Variants in DCC observed in about 807,000 individuals in gnomAD.
The protein encoded by DCC is DCC netrin 1 receptor.
Under a neutral mutation model 172.5 loss-of-function variants are expected in DCC, and 58 were observed. That is an observed-to-expected ratio of 0.34 (90% CI 0.27 to 0.42). The LOEUF is 0.42. DCC is among the 10% of genes least tolerant of loss of function. DCC has a pLI of 1.00. For synonymous variants in DCC, 709 were observed against 644.5 expected (o/e 1.10, Z -1.52); for missense variants, 1,740 against 1,791.0 (o/e 0.97, Z 0.51).
chr18:53,351,365 T>C (rs1374006363), intron 15 of DCC, among the ~76,000 whole-genome samples: 8 of 74,096 alleles, frequency 1.1e-4, no homozygotes, highest in Admixed American at 5.3e-4. Flanking sequence ...TATATATATA[T>C]ACTGTATATA....
chr18:53,464,834 C>T (rs1401775775), intron 24 of DCC, among the ~76,000 whole-genome samples: 1 of 151,598 alleles, frequency 6.6e-6, no homozygotes, highest in Non-Finnish European at 1.5e-5. Context: ...ACAAAATTAG[C>T]CAGACGTGGT....
At chr18:53,273,533 A>G (rs1170427068) in intron 12 of DCC, among the ~76,000 whole-genome samples, 1 of 152,284 alleles carries the variant, frequency 6.6e-6, no homozygotes, top group East Asian at 1.9e-4. Context: ...TCCTTCGGTC[A>G]AGAAAATTAT....
At chr18:52,999,833 T>C (rs1207097792) in intron 5 of DCC, among the ~76,000 whole-genome samples, 2 of 152,082 alleles carry the variant, frequency 1.3e-5, no homozygotes, top group Non-Finnish European at 2.9e-5. Flanking sequence ...CTAGTGGTTC[T>C]GTGACCTTAG....
chr18:52,842,395 T>G (rs556721494), intron 2 of DCC, among the ~76,000 whole-genome samples: 1 of 152,288 alleles, frequency 6.6e-6, no homozygotes, highest in Non-Finnish European at 1.5e-5. Flanking sequence ...ATCAGGAACA[T>G]TGAGGTAGGA....
intron 1 of DCC, among the ~76,000 whole-genome samples, chr18:52,394,610 A>G (rs1033335676): frequency 6.6e-6 from 1 of 151,862 alleles, no homozygotes; most frequent in Admixed American, 6.6e-5. Context: ...GCTGCTTCCA[A>G]TGTTTTTAAA....
intron 1 of DCC, among the ~76,000 whole-genome samples, chr18:52,747,200 T>G (rs1324743241): frequency 6.6e-6 from 1 of 152,198 alleles, no homozygotes; most frequent in African/African-American, 2.4e-5. Flanking sequence ...TGTAAGTTTC[T>G]TAATGGATGA....
intron 5 of DCC, among the ~76,000 whole-genome samples, chr18:52,989,501 C>A (rs67211888): frequency 2.0e-5 from 3 of 152,066 alleles, no homozygotes; most frequent in East Asian, 1.9e-4. Context: ...ACAGCCTGGG[C>A]GACAAGAGGG....
chr18:52,665,574 C>T (rs1403028888), intron 1 of DCC, among the ~76,000 whole-genome samples: 10 of 152,112 alleles, frequency 6.6e-5, no homozygotes, highest in Non-Finnish European at 1.2e-4. Flanking sequence ...TTTAGATAAT[C>T]GGAGCCTGAT....
chr18:52,959,789 G>A (rs541776219), intron 5 of DCC, among the ~76,000 whole-genome samples: 1 of 152,104 alleles, frequency 6.6e-6, no homozygotes, highest in African/African-American at 2.4e-5. Context: ...CTATGCATCT[G>A]GTTTACAAAA....
rs921985208 is a variant in DCC, at chr18:52,743,988, A to C, written c.92-8066A>C. 1.9e-4 allele frequency among the ~76,000 whole-genome samples: 29 copies of C among 152,280 alleles called. No homozygotes were observed. The South Asian group carries it at 3.9e-3, about 21-fold the overall frequency. On this transcript the variant is annotated intron_variant, in intron 1 of 28. Coordinates refer to ENST00000442544, the MANE Select transcript of DCC (RefSeq NM_005215.4). ...TTTCCAAGAATTTACTCTTCTCTAG[A>C]TATGTGACAACTGAGGAGCACAGTA...
At chr18:52,397,016 G>A (rs970437747) in intron 1 of DCC, among the ~76,000 whole-genome samples, 7 of 151,962 alleles carry the variant, frequency 4.6e-5, no homozygotes, top group African/African-American at 1.4e-4. Flanking sequence ...TGTATAGAAA[G>A]GTATTTTCCT....
intron 15 of DCC, among the ~76,000 whole-genome samples, chr18:53,350,941 G>C (rs2057784513): frequency 6.6e-6 from 1 of 151,788 alleles, no homozygotes; most frequent in African/African-American, 2.4e-5. Context: ...TACTTGCTCA[G>C]AGAGAAGTGA....
At chr18:52,809,404 T>G in intron 2 of DCC, 1 of 157,284 alleles carries the variant, frequency 6.4e-6, no homozygotes, top group South Asian at 2.0e-4. Flanking sequence ...TTCCAAGGAA[T>G]GGAAACTTGG....
intron 28 of DCC, among the ~76,000 whole-genome samples, chr18:53,528,806 C>A (rs748040931): frequency 2.0e-5 from 3 of 151,962 alleles, no homozygotes; most frequent in Non-Finnish European, 4.4e-5. Flanking sequence ...TTTTTTTGTA[C>A]TGTTCCAAAA....
intron 7 of DCC, among the ~76,000 whole-genome samples, chr18:53,086,009 T>C (rs1312949529): frequency 8.0e-5 from 2 of 25,144 alleles, no homozygotes; most frequent in African/African-American, 6.2e-4. Flanking sequence ...TTCTTCTCCT[T>C]CTCCTTCTCC....
intron 5 of DCC, among the ~76,000 whole-genome samples, chr18:53,020,249 T>C (rs527938281): frequency 3.9e-5 from 6 of 152,318 alleles, no homozygotes; most frequent in African/African-American, 1.4e-4. Flanking sequence ...AAACATACTT[T>C]TGGCTTGATT....
At position 52,668,042 on chromosome 18, in the gene DCC, G is replaced by GA. The variant is rs985463243; in HGVS notation, c.92-84003dup. Among the ~76,000 whole-genome samples, 372 of 139,858 alleles carry GA rather than the reference G, an allele frequency of 2.7e-3. 3 individuals are homozygous for GA. The highest frequency in any genetic ancestry group is 8.5e-3 in the African/African-American group (336 of 39,754). The allele number at this position is 139,858 out of a possible 152,430, so 91.8% of individuals were successfully genotyped here. Reference sequence around the variant, plus strand: ...TTTCTTTCCTTAACGAGTAGAGAAGGAAAAAAAAACAACAACAAAAAAAAA... The same window carrying GA: ...TTTCTTTCCTTAACGAGTAGAGAAGGAAAAAAAAAACAACAACAAAAAAAAA... On this transcript the variant is annotated intron_variant, in intron 1 of 28. Coordinates refer to ENST00000442544, the MANE Select transcript of DCC (RefSeq NM_005215.4).
chr18:52,975,801 T>C (rs1399904956), intron 5 of DCC, among the ~76,000 whole-genome samples: 1 of 152,208 alleles, frequency 6.6e-6, no homozygotes, highest in Admixed American at 6.5e-5. Context: ...CTATTATGAA[T>C]AGTGCTGCAA....
chr18:52,565,848 C>A (rs1027258853), intron 1 of DCC, among the ~76,000 whole-genome samples: 2 of 152,094 alleles, frequency 1.3e-5, no homozygotes, highest in Non-Finnish European at 2.9e-5. Context: ...TTAATTAGAT[C>A]CCATTTGTCA....
Sources: allele counts gnomAD v4.1 joint callset (sites outside exome capture counted in the v4.1 genomes callset), GRCh38; gene constraint gnomAD v4.1.1; transcripts MANE v1.5; gene names NCBI Gene and HGNC (gene_info 2026-07-23, HGNC 2026-07-21).